The following MCTP1 variants were observed in gnomAD, a reference collection of about 807,000 sequenced individuals.
MCTP1 encodes the protein multiple C2 and transmembrane domain containing 1.
MCTP1 carries 69 observed loss-of-function variants against 120.6 expected under a neutral mutation model. The ratio of observed to expected loss-of-function variants is 0.57; its 90% CI spans 0.47 to 0.70. MCTP1 has a LOEUF of 0.70. MCTP1 is among the 30% of genes least tolerant of loss of function. MCTP1 has a pLI of 0.00. For synonymous variants in MCTP1, 529 were observed against 493.1 expected (o/e 1.07, Z -0.96); for missense variants, 1,203 against 1,248.8 (o/e 0.96, Z 0.55).
chr5:94,930,221 T>C (rs1814248544), intron 6 of MCTP1, among the ~76,000 whole-genome samples: 1 of 150,076 alleles, frequency 6.7e-6, no homozygotes, highest in Admixed American at 6.7e-5. Context: ...ATGTTTAAAA[T>C]TATATTTACA....
At chr5:95,020,991 C>T (rs1012977990) in intron 1 of MCTP1, among the ~76,000 whole-genome samples, 5 of 152,044 alleles carry the variant, frequency 3.3e-5, no homozygotes, top group Non-Finnish European at 7.4e-5. Context: ...TAGCTCCCTT[C>T]TTTCTTGTTT....
At chr5:95,054,271 T>C (rs1295624716) in intron 1 of MCTP1, among the ~76,000 whole-genome samples, 1 of 152,186 alleles carries the variant, frequency 6.6e-6, no homozygotes, top group Admixed American at 6.5e-5. Context: ...TCTCTAGAGG[T>C]CAAATGCAAT....
At chr5:95,133,466 C>T (rs1648531898) in intron 1 of MCTP1, among the ~76,000 whole-genome samples, 2 of 152,092 alleles carry the variant, frequency 1.3e-5, no homozygotes, top group Admixed American at 1.3e-4. Flanking sequence ...CCAGCCTGGC[C>T]AACATGGCAA....
intron 19 of MCTP1, among the ~76,000 whole-genome samples, chr5:94,754,893 T>C (rs1187878249): frequency 6.6e-6 from 1 of 152,168 alleles, no homozygotes; most frequent in African/African-American, 2.4e-5. Flanking sequence ...TTGCAACCTA[T>C]AGGGATGTTG....
intron 1 of MCTP1, among the ~76,000 whole-genome samples, chr5:95,179,957 C>A (rs1346172208): frequency 6.6e-6 from 1 of 152,090 alleles, no homozygotes; most frequent in Non-Finnish European, 1.5e-5. Flanking sequence ...AAAAGATATT[C>A]CATTCAAATA....
chr5:95,258,557 G>A (rs934440815), intron 1 of MCTP1, among the ~76,000 whole-genome samples: 1 of 152,094 alleles, frequency 6.6e-6, no homozygotes, highest in East Asian at 1.9e-4. Context: ...ATAAAGTATG[G>A]ACTTTAAGTT....
intron 1 of MCTP1, among the ~76,000 whole-genome samples, chr5:95,143,867 G>A (rs1303260263): frequency 6.6e-6 from 1 of 152,122 alleles, no homozygotes; most frequent in Admixed American, 6.5e-5. Context: ...GATGAACATA[G>A]AAGTGCATGT....
At chr5:95,013,163 A>G (rs1356280842) in intron 2 of MCTP1, among the ~76,000 whole-genome samples, 1 of 152,134 alleles carries the variant, frequency 6.6e-6, no homozygotes, top group Non-Finnish European at 1.5e-5. Flanking sequence ...CCTAATCCAG[A>G]ACAAAGTCCC....
At chr5:95,084,169 T>C (rs1227840754) in intron 1 of MCTP1, among the ~76,000 whole-genome samples, 1 of 152,132 alleles carries the variant, frequency 6.6e-6, no homozygotes, top group African/African-American at 2.4e-5. Flanking sequence ...TATTACCTCC[T>C]GCATAAATCT....
intron 11 of MCTP1, among the ~76,000 whole-genome samples, chr5:94,891,442 AATG>A (rs949145851): frequency 2.0e-5 from 3 of 152,194 alleles, no homozygotes; most frequent in African/African-American, 7.2e-5. Context: ...CTTCGACCCT[AATG>A]ATGGGGAATA....
At chr5:94,881,558 T>C (rs1267886896) in intron 12 of MCTP1, among the ~76,000 whole-genome samples, 2 of 152,072 alleles carry the variant, frequency 1.3e-5, no homozygotes, top group African/African-American at 2.4e-5. Flanking sequence ...GTGGCTTTTG[T>C]GGAAAGATCT....
At chr5:95,207,942 AGAGAGGGAGAGAGAGG>A (rs760665959) in intron 1 of MCTP1, among the ~76,000 whole-genome samples, 2 of 92,600 alleles carry the variant, frequency 2.2e-5, no homozygotes, top group African/African-American at 8.6e-5. Context: ...AGAGAGAGAG[AGAGAGGGAGAGAGAGG>A]GAGAGAGAGG....
chr5:94,997,703 C>T (rs1832888252), intron 2 of MCTP1, among the ~76,000 whole-genome samples: 1 of 152,154 alleles, frequency 6.6e-6, no homozygotes, highest in Non-Finnish European at 1.5e-5. Flanking sequence ...TACGCTGATA[C>T]ATCATTATCA....
chr5:94,854,370 G>A (rs1002751923), intron 17 of MCTP1, among the ~76,000 whole-genome samples: 3 of 151,810 alleles, frequency 2.0e-5, no homozygotes, highest in Non-Finnish European at 4.4e-5. Context: ...GACAAGAAGT[G>A]AAAATGAGGT....
At chr5:95,144,281 G>GTT (rs1275001252) in intron 1 of MCTP1, among the ~76,000 whole-genome samples, 4 of 152,024 alleles carry the variant, frequency 2.6e-5, no homozygotes, top group Non-Finnish European at 5.9e-5. Context: ...GTGGATTTAA[G>GTT]TTCCTTGTAG....
chr5:95,033,031 T>C (rs1200940350), intron 1 of MCTP1, among the ~76,000 whole-genome samples: 2 of 152,032 alleles, frequency 1.3e-5, no homozygotes, highest in African/African-American at 4.8e-5. Context: ...ACACGCAACC[T>C]TCCAAGACTG....
intron 1 of MCTP1, among the ~76,000 whole-genome samples, chr5:95,257,796 T>TACACACATACACACACACACAC (rs56080673): frequency 0.02 from 2,559 of 125,354 alleles, 58 homozygotes; most frequent in African/African-American, 0.037. Flanking sequence ...CCAGAAAACA[T>TACACACATACACACACACACAC]ACACACACAC....
At chr5:95,275,396 G>C (rs964801493) in intron 1 of MCTP1, among the ~76,000 whole-genome samples, 1 of 152,146 alleles carries the variant, frequency 6.6e-6, no homozygotes, top group African/African-American at 2.4e-5. Flanking sequence ...GCTCCTTCCA[G>C]AGGGCAGGGG....
intron 11 of MCTP1, among the ~76,000 whole-genome samples, chr5:94,891,210 G>A (rs1175820400): frequency 2.4e-5 from 3 of 125,274 alleles, no homozygotes; most frequent in Non-Finnish European, 5.9e-5. Context: ...TTAAACAGTT[G>A]TTTATCACCA....
Sources: allele counts gnomAD v4.1 joint callset (sites outside exome capture counted in the v4.1 genomes callset), GRCh38; gene constraint gnomAD v4.1.1; transcripts MANE v1.5; gene names NCBI Gene and HGNC (gene_info 2026-07-23, HGNC 2026-07-21).